The following ADARB2 variants were observed in gnomAD, a reference collection of about 807,000 sequenced individuals.
The protein encoded by ADARB2 is adenosine deaminase RNA specific B2 (inactive).
In ADARB2, 25 loss-of-function variants were observed where a neutral mutation model predicts 62.2. The observed-to-expected ratio is 0.40, with a 90% CI of 0.29 to 0.56. The LOEUF (loss-of-function observed/expected upper bound fraction) is 0.56, where lower values mean the gene tolerates loss of function less well. Ranked by LOEUF, ADARB2 falls within the 20% of genes least tolerant of loss-of-function variation. ADARB2 has a pLI of 0.43. For synonymous variants in ADARB2, 572 were observed against 500.8 expected, an observed-to-expected ratio of 1.14 and a Z score of -1.90; for missense variants, 1,071 against 1,077.4, an observed-to-expected ratio of 0.99 and a Z score of 0.08.
chr10:1,611,908 G>T (rs1833577432), intron 1 of ADARB2, among the ~76,000 whole-genome samples: 1 of 152,132 alleles, frequency 6.6e-6, no homozygotes, highest in Non-Finnish European at 1.5e-5. Context: ...GTGCCTGGGG[G>T]TGCAGCTGGG....
At chr10:1,207,324 G>A (rs557435214) in intron 7 of ADARB2, among the ~76,000 whole-genome samples, 1 of 152,290 alleles carries the variant, frequency 6.6e-6, no homozygotes, top group South Asian at 2.1e-4. Flanking sequence ...TAGCCTGGGT[G>A]ACAAGAGCAA....
chr10:1,554,896 C>A (rs1832678332), intron 1 of ADARB2, among the ~76,000 whole-genome samples: 1 of 152,168 alleles, frequency 6.6e-6, no homozygotes, highest in African/African-American at 2.4e-5. Flanking sequence ...CCCCTGCCCC[C>A]TCCCAGGGTC....
At chr10:1,315,497 G>A (rs560870735) in intron 3 of ADARB2, among the ~76,000 whole-genome samples, 69 of 152,352 alleles carry the variant, frequency 4.5e-4, no homozygotes, top group Non-Finnish European at 8.1e-4. Context: ...TTGATTTATA[G>A]CTTTAGGTGT....
At chr10:1,501,256 G>C (rs1239097453) in intron 1 of ADARB2, among the ~76,000 whole-genome samples, 1 of 152,180 alleles carries the variant, frequency 6.6e-6, no homozygotes, top group Admixed American at 6.5e-5. Context: ...AGTTTAACTT[G>C]CTAGCTATGT....
intron 4 of ADARB2, among the ~76,000 whole-genome samples, chr10:1,266,777 C>T (rs572701928): frequency 1.8e-3 from 278 of 152,256 alleles, no homozygotes; most frequent in Non-Finnish European, 3.3e-3. Context: ...CGGGCCAGGG[C>T]GTCTCCTCAG....
intron 1 of ADARB2, among the ~76,000 whole-genome samples, chr10:1,554,374 C>A (rs1832672034): frequency 6.6e-6 from 1 of 152,208 alleles, no homozygotes. Flanking sequence ...ATTTTGTTCT[C>A]ACGGTTGGGC....
At chr10:1,607,921 C>T (rs1833514655) in intron 1 of ADARB2, among the ~76,000 whole-genome samples, 1 of 152,172 alleles carries the variant, frequency 6.6e-6, no homozygotes. Flanking sequence ...AACATGGCTC[C>T]CAGCTTGATA....
chr10:1,705,189 T>C (rs34903513), intron 1 of ADARB2, among the ~76,000 whole-genome samples: 2,562 of 152,362 alleles, frequency 0.017, 39 homozygotes, highest in Middle Eastern at 0.051. Flanking sequence ...CTTGATCTAA[T>C]GACGAAACCA....
chr10:1,711,548 T>TTATTC (rs1834949112), intron 1 of ADARB2, among the ~76,000 whole-genome samples: 1 of 152,190 alleles, frequency 6.6e-6, no homozygotes, highest in African/African-American at 2.4e-5. Flanking sequence ...TTTCCTCCAC[T>TTATTC]TGACAAAGAA....
At chr10:1,554,242 G>A (rs1832669700) in intron 1 of ADARB2, among the ~76,000 whole-genome samples, 1 of 152,196 alleles carries the variant, frequency 6.6e-6, no homozygotes, top group Admixed American at 6.5e-5. Context: ...CACCCAGCCA[G>A]GGGCAGGGGT....
chr10:1,283,219 T>C (rs1192316257), intron 3 of ADARB2, among the ~76,000 whole-genome samples: 2 of 152,250 alleles, frequency 1.3e-5, no homozygotes, highest in Non-Finnish European at 2.9e-5. Flanking sequence ...ACATGTGTAA[T>C]ATACCACAGA....
At chr10:1,676,563 A>G (rs1834469087) in intron 1 of ADARB2, among the ~76,000 whole-genome samples, 1 of 152,116 alleles carries the variant, frequency 6.6e-6, no homozygotes, top group Admixed American at 6.5e-5. Context: ...ATCTTGCAAT[A>G]TTCTCCAGAC....
At chr10:1,606,467 G>A (rs901239274) in intron 1 of ADARB2, among the ~76,000 whole-genome samples, 22 of 152,274 alleles carry the variant, frequency 1.4e-4, no homozygotes, top group African/African-American at 5.1e-4. Flanking sequence ...TTTAGGGCCT[G>A]CAAGAGACAA....
In ADARB2 at chr10:1,247,567, C is replaced by T. The variant is rs187190073; in HGVS notation, c.1193-5268G>A. 7.0e-4 allele frequency among the ~76,000 whole-genome samples: 106 copies of T among 152,248 alleles called. No individual in the cohort carries two copies. In the East Asian group the frequency reaches 8.5e-3, roughly 12 times the overall value. ...AATTTGGGGGAAAGGAGAGGGCGGG[C>T]GTCATCATCTCTCCCCTCGGTGCCA... On this transcript the variant is annotated intron_variant, in intron 4 of 9. Coordinates refer to ENST00000381312, the MANE Select transcript of ADARB2 (RefSeq NM_018702.4).
chr10:1,476,771 G>A (rs960803474), intron 1 of ADARB2, among the ~76,000 whole-genome samples: 1 of 152,144 alleles, frequency 6.6e-6, no homozygotes, highest in Non-Finnish European at 1.5e-5. Context: ...AGGCGTCCCC[G>A]TGCATCCAAG....
intron 1 of ADARB2, among the ~76,000 whole-genome samples, chr10:1,577,273 T>G (rs935940312): frequency 7.1e-6 from 1 of 141,388 alleles, no homozygotes; most frequent in Non-Finnish European, 1.5e-5. Flanking sequence ...AATACCCTCA[T>G]GCACACAGAA....
chr10:1,702,016 G>A (rs866824375), intron 1 of ADARB2, among the ~76,000 whole-genome samples: 97 of 152,358 alleles, frequency 6.4e-4, no homozygotes, highest in African/African-American at 2.3e-3. Flanking sequence ...GAAAGACAAA[G>A]AGAAAGAAGT....
intron 4 of ADARB2, among the ~76,000 whole-genome samples, chr10:1,258,575 G>A (rs1316024765): frequency 6.6e-6 from 1 of 152,060 alleles, no homozygotes; most frequent in African/African-American, 2.4e-5. Context: ...AATGGTAAAG[G>A]GATCAATTCA....
chr10:1,515,952 G>A (rs1832003251), intron 1 of ADARB2, among the ~76,000 whole-genome samples: 1 of 152,240 alleles, frequency 6.6e-6, no homozygotes, highest in Non-Finnish European at 1.5e-5. Flanking sequence ...AACATGGAGT[G>A]TGCAGTGCTA....
Sources: allele counts gnomAD v4.1 joint callset (sites outside exome capture counted in the v4.1 genomes callset), GRCh38; gene constraint gnomAD v4.1.1; transcripts MANE v1.5; gene names NCBI Gene and HGNC (gene_info 2026-07-23, HGNC 2026-07-21).